The following RAB28 variants were observed in gnomAD, a reference collection of about 807,000 sequenced individuals.
The protein encoded by RAB28 is RAB28, member RAS oncogene family.
RAB28 carries 24 observed loss-of-function variants against 31.7 expected under a neutral mutation model. The observed-to-expected ratio is 0.76, with a 90% CI of 0.55 to 1.06. The LOEUF is 1.06. RAB28 is among the 50% of genes least tolerant of loss of function. The pLI is 0.00. For synonymous variants in RAB28, 100 were observed against 90.4 expected (o/e 1.11, Z -0.60); for missense variants, 254 against 258.5 (o/e 0.98, Z 0.12).
intron 4 of RAB28, among the ~76,000 whole-genome samples, chr4:13,392,946 C>A (rs1318213567): frequency 2.0e-5 from 3 of 152,042 alleles, no homozygotes; most frequent in Admixed American, 1.3e-4. Context: ...TGAATAAATA[C>A]ACAAAAAGCA....
rs532562940 is a variant in RAB28, at chr4:13,484,186, G to C, written c.-36C>G. Reference sequence around the variant, plus strand: ...GAACCAGGCCCGCCCCTCGAGGTGGGGGGGGAAGGGAAGGATGAAGGCTCC... The same window carrying C: ...GAACCAGGCCCGCCCCTCGAGGTGGCGGGGGAAGGGAAGGATGAAGGCTCC... On this transcript the variant is annotated 5_prime_UTR_variant, in exon 1 of 7. Transcript: ENST00000330852. 1.4e-5 allele frequency: 21 copies of C among 1,539,124 alleles called. No homozygotes were observed. Among genetic ancestry groups the C allele is most frequent in the East Asian group, 7.2e-5 (3 of 41,710 alleles).
chr4:13,461,816 T>C (rs1215317915), intron 3 of RAB28, among the ~76,000 whole-genome samples: 1 of 152,198 alleles, frequency 6.6e-6, no homozygotes, highest in Admixed American at 6.5e-5. Context: ...TGTCGACTTC[T>C]TAGGTTGTAA....
chr4:13,462,043 A>G (rs1334718255), intron 3 of RAB28, among the ~76,000 whole-genome samples: 3 of 152,258 alleles, frequency 2.0e-5, no homozygotes, highest in Non-Finnish European at 4.4e-5. Context: ...TCTGTCAACT[A>G]AACTCCAAGC....
At chr4:13,387,060 A>G (rs1171734143) in intron 4 of RAB28, among the ~76,000 whole-genome samples, 2 of 152,220 alleles carry the variant, frequency 1.3e-5, no homozygotes, top group Admixed American at 1.3e-4. Context: ...ACATGGACAC[A>G]TAGAGGGGAA....
intron 4 of RAB28, among the ~76,000 whole-genome samples, chr4:13,445,831 G>T (rs934266314): frequency 1.3e-5 from 2 of 152,228 alleles, no homozygotes; most frequent in Non-Finnish European, 2.9e-5. Flanking sequence ...GAGGCACAGG[G>T]TCAGGGACCT....
intron 4 of RAB28, among the ~76,000 whole-genome samples, chr4:13,441,453 T>C (rs901639516): frequency 3.9e-5 from 6 of 152,206 alleles, no homozygotes; most frequent in Admixed American, 2.0e-4. Flanking sequence ...ATCTCTACCA[T>C]TCCTTAAATG....
intron 4 of RAB28, among the ~76,000 whole-genome samples, chr4:13,415,480 G>C (rs1345939424): frequency 6.6e-6 from 1 of 152,166 alleles, no homozygotes; most frequent in Non-Finnish European, 1.5e-5. Flanking sequence ...TCAGCGGGCT[G>C]CACTCAGAGC....
chr4:13,410,783 A>G (rs919470110), intron 4 of RAB28, among the ~76,000 whole-genome samples: 3 of 152,152 alleles, frequency 2.0e-5, no homozygotes, highest in Non-Finnish European at 4.4e-5. Flanking sequence ...AGAAGGTTCC[A>G]TCTTCATATT....
At chr4:13,424,092 T>C (rs140239172) in intron 4 of RAB28, among the ~76,000 whole-genome samples, 421 of 152,296 alleles carry the variant, frequency 2.8e-3, no homozygotes, top group African/African-American at 9.6e-3. Flanking sequence ...TTATGTAAAG[T>C]GTTGGATGAA....
intron 4 of RAB28, among the ~76,000 whole-genome samples, chr4:13,414,186 A>T (rs546834643): frequency 6.6e-6 from 1 of 152,330 alleles, no homozygotes. Flanking sequence ...CTCCCAGTCC[A>T]GCTGTTATTA....
rs368495217 is a variant in RAB28 at position 13,477,894 on chromosome 4, A to G, written c.172+1536T>C. ...GAAATCATCATATCACCTGTATAAAATGTCTGAAAACCAGTCTTTGTTTTT... is the reference window on the plus strand; with the variant it reads ...GAAATCATCATATCACCTGTATAAAGTGTCTGAAAACCAGTCTTTGTTTTT... On this transcript the variant is annotated intron_variant, in intron 2 of 6. Coordinates refer to ENST00000330852, the MANE Select transcript of RAB28 (RefSeq NM_001017979.3). Among the ~76,000 whole-genome samples, 12 of 151,708 alleles carry G rather than the reference A, an allele frequency of 7.9e-5. No homozygotes were observed. In the East Asian group the frequency reaches 1.3e-3, roughly 17 times the overall value.
chr4:13,418,067 T>C (rs1712903359), intron 4 of RAB28, among the ~76,000 whole-genome samples: 1 of 152,146 alleles, frequency 6.6e-6, no homozygotes, highest in Non-Finnish European at 1.5e-5. Flanking sequence ...AATGACCTGA[T>C]GGAGCTGAAA....
intron 3 of RAB28, among the ~76,000 whole-genome samples, chr4:13,465,998 T>A (rs151173076): frequency 2.2e-4 from 33 of 151,966 alleles, no homozygotes; most frequent in Non-Finnish European, 4.4e-4. Flanking sequence ...AATAAATGGT[T>A]TTGGGAAAAC....
At chr4:13,452,812 C>A (rs1013936429) in intron 4 of RAB28, among the ~76,000 whole-genome samples, 2 of 152,000 alleles carry the variant, frequency 1.3e-5, no homozygotes, top group Admixed American at 6.6e-5. Flanking sequence ...CAGTTTAAAT[C>A]CAATGTTTAT....
chr4:13,391,428 G>T (rs1345153197), intron 4 of RAB28, among the ~76,000 whole-genome samples: 1 of 152,206 alleles, frequency 6.6e-6, no homozygotes, highest in Non-Finnish European at 1.5e-5. Flanking sequence ...ACAATGTGGA[G>T]AAATAGGAAC....
chr4:13,370,197 T>C (rs1335728632), intron 6 of RAB28: 1 of 977,838 alleles, frequency 1.0e-6, no homozygotes, highest in Non-Finnish European at 1.2e-6. Flanking sequence ...AACATTATTC[T>C]TTGTAATTCT....
At chr4:13,482,638 A>G (rs1184598597) in intron 1 of RAB28, among the ~76,000 whole-genome samples, 1 of 152,228 alleles carries the variant, frequency 6.6e-6, no homozygotes, top group Non-Finnish European at 1.5e-5. Flanking sequence ...CGAAAAGTTT[A>G]CTAAGTATAC....
chr4:13,435,028 AAAAAAAAG>A (rs918117163), intron 4 of RAB28, among the ~76,000 whole-genome samples: 1 of 150,608 alleles, frequency 6.6e-6, no homozygotes, highest in African/African-American at 2.4e-5. Flanking sequence ...AAAAAAAAAA[AAAAAAAAG>A]AAAAGAAAAA....
intron 4 of RAB28, among the ~76,000 whole-genome samples, chr4:13,404,598 G>T (rs920609780): frequency 1.3e-5 from 2 of 151,830 alleles, no homozygotes; most frequent in African/African-American, 4.8e-5. Flanking sequence ...GAAGAAAGAA[G>T]GAGCTTAATT....
Sources: gnomAD v4.1 joint callset for allele counts (sites outside exome capture counted in the v4.1 genomes callset) on GRCh38, gnomAD v4.1.1 for gene constraint, MANE v1.5 for transcripts, NCBI Gene and HGNC (gene_info 2026-07-23, HGNC 2026-07-21) for gene names.